The following NRF1 variants were observed in gnomAD, a reference collection of about 807,000 sequenced individuals.
The protein encoded by NRF1 is alpha palindromic-binding protein.
In NRF1, 5 loss-of-function variants were observed where a neutral mutation model predicts 58.5. The observed-to-expected ratio is 0.09, with a 90% CI of 0.04 to 0.18. The LOEUF (loss-of-function observed/expected upper bound fraction) is 0.18, where lower values mean the gene tolerates loss of function less well. Among genes scored for constraint, NRF1 ranks in the 10% least tolerant of loss-of-function variants. NRF1 has a pLI of 1.00. For missense variants in NRF1, 288 were observed against 657.7 expected (o/e 0.44, Z 6.15); for synonymous variants, 224 against 246.7 (o/e 0.91, Z 0.86).
intron 10 of NRF1, among the ~76,000 whole-genome samples, chr7:129,746,762 A>T (rs1803985955): frequency 6.6e-6 from 1 of 152,244 alleles, no homozygotes. Context: ...AAACTAAAGA[A>T]GGCATTACGT....
intron 3 of NRF1, among the ~76,000 whole-genome samples, chr7:129,676,550 T>C (rs1802183619): frequency 6.6e-6 from 1 of 152,216 alleles, no homozygotes; most frequent in Non-Finnish European, 1.5e-5. Flanking sequence ...ACACACAACA[T>C]TTATCAGTCA....
At chr7:129,699,760 A>G (rs572267293) in intron 5 of NRF1, among the ~76,000 whole-genome samples, 66 of 151,512 alleles carry the variant, frequency 4.4e-4, no homozygotes, top group Admixed American at 1.3e-3. Context: ...GAAAGAAAAT[A>G]TAAGTTACCA....
chr7:129,678,295 AC>A (rs1231894269), intron 4 of NRF1, among the ~76,000 whole-genome samples: 1 of 152,196 alleles, frequency 6.6e-6, no homozygotes, highest in Non-Finnish European at 1.5e-5. Flanking sequence ...GCCCCTGCAT[AC>A]TTATACAATA....
chr7:129,742,667 A>G (rs185744838), intron 10 of NRF1, among the ~76,000 whole-genome samples: 11 of 152,280 alleles, frequency 7.2e-5, no homozygotes, highest in Non-Finnish European at 1.3e-4. Flanking sequence ...AAAGCATCCA[A>G]TTTAGATTGA....
At chr7:129,661,666 A>G (rs1302668297) in intron 2 of NRF1, among the ~76,000 whole-genome samples, 1 of 150,920 alleles carries the variant, frequency 6.6e-6, no homozygotes, top group Non-Finnish European at 1.5e-5. Context: ...TTTATTGTCC[A>G]TATCACTATC....
At chr7:129,677,419 A>C (rs191733727) in intron 3 of NRF1, among the ~76,000 whole-genome samples, 3 of 152,292 alleles carry the variant, frequency 2.0e-5, no homozygotes, top group Admixed American at 2.0e-4. Context: ...CCCAAAGCAA[A>C]ACCTTCAGTT....
At chr7:129,670,450 G>A (rs1213434483) in intron 2 of NRF1, among the ~76,000 whole-genome samples, 13 of 152,136 alleles carry the variant, frequency 8.5e-5, no homozygotes, top group Non-Finnish European at 1.8e-4. Context: ...TTGCTTTGAG[G>A]TTCTTTAGAG....
At chr7:129,708,052 G>A (rs1178555528) in intron 5 of NRF1, among the ~76,000 whole-genome samples, 82 of 151,948 alleles carry the variant, frequency 5.4e-4, no homozygotes, top group South Asian at 4.2e-4. Flanking sequence ...CCACACCCCC[G>A]AGTCTGATTC....
intron 10 of NRF1, among the ~76,000 whole-genome samples, chr7:129,728,898 T>C (rs897385422): frequency 6.6e-6 from 1 of 152,204 alleles, no homozygotes; most frequent in African/African-American, 2.4e-5. Flanking sequence ...GGACATCTTA[T>C]AGCCACACAT....
At chr7:129,744,151 A>G in intron 10 of NRF1, 1 of 1,188,660 alleles carries the variant, frequency 8.4e-7, no homozygotes, top group Non-Finnish European at 1.1e-6. Flanking sequence ...TTTTTTTTTT[A>G]ACAGTTCTGT....
At chr7:129,647,073 T>C (rs1237003819) in intron 1 of NRF1, among the ~76,000 whole-genome samples, 1 of 152,210 alleles carries the variant, frequency 6.6e-6, no homozygotes, top group Non-Finnish European at 1.5e-5. Flanking sequence ...TCGCACCCTG[T>C]CGCCCAGGCT....
chr7:129,653,654 TC>T (rs1562960630), intron 1 of NRF1, among the ~76,000 whole-genome samples: 1 of 152,178 alleles, frequency 6.6e-6, no homozygotes, highest in East Asian at 1.9e-4. Context: ...CTTCCCCCAA[TC>T]CTTGGCAACC....
intron 10 of NRF1, among the ~76,000 whole-genome samples, chr7:129,754,620 T>TA (rs1406105600): frequency 1.3e-5 from 2 of 152,038 alleles, no homozygotes; most frequent in African/African-American, 4.8e-5. Flanking sequence ...GGTGTTCAGT[T>TA]ACACAGTAGG....
chr7:129,640,211 T>G (rs941675982), intron 1 of NRF1, among the ~76,000 whole-genome samples: 2 of 152,102 alleles, frequency 1.3e-5, no homozygotes, highest in Non-Finnish European at 2.9e-5. Flanking sequence ...TCAACACACA[T>G]ACCGTTTTAT....
At chr7:129,627,861 T>G (rs1369375684) in intron 1 of NRF1, among the ~76,000 whole-genome samples, 1 of 152,134 alleles carries the variant, frequency 6.6e-6, no homozygotes, top group East Asian at 1.9e-4. Flanking sequence ...CTCATTTTGA[T>G]TATATTGACA....
At position 129,755,211 on chromosome 7, in the gene NRF1, A is replaced by G; in HGVS notation, c.*30A>G. On this transcript the variant is annotated 3_prime_UTR_variant, in exon 11 of 11. Coordinates refer to ENST00000393232, the MANE Select transcript of NRF1 (RefSeq NM_005011.5). This position sits in a 1 kb window ranked among gnomAD's most constrained non-coding sequence, Gnocchi z 5.8. Reference sequence around the variant, plus strand: ...CAGCCATATTATGGCATCGTTTTCTAGTCTACTTCAAAATTTTTTACACGT... The same window carrying G: ...CAGCCATATTATGGCATCGTTTTCTGGTCTACTTCAAAATTTTTTACACGT... 6.6e-7 allele frequency: 1 copy of G among 1,523,586 alleles called. No homozygotes were observed. The highest frequency in any genetic ancestry group is 8.8e-7 in the Non-Finnish European group (1 of 1,132,882). The allele number at this position is 1,523,586 out of a possible 1,614,324, so 94.4% of individuals were successfully genotyped here.
chr7:129,653,508 C>T (rs1421490778), intron 1 of NRF1, among the ~76,000 whole-genome samples: 1 of 152,134 alleles, frequency 6.6e-6, no homozygotes, highest in African/African-American at 2.4e-5. Flanking sequence ...TTGTACATTA[C>T]ATAGTTTACA....
At chr7:129,650,164 TCTTTTTC>T (rs896704113) in intron 1 of NRF1, among the ~76,000 whole-genome samples, 1 of 151,526 alleles carries the variant, frequency 6.6e-6, no homozygotes, top group African/African-American at 2.4e-5. Flanking sequence ...GAATTTTTTT[TCTTTTTC>T]CTTTTTTTTT....
At chr7:129,615,358 G>T (rs1264755092) in intron 1 of NRF1, among the ~76,000 whole-genome samples, 1 of 152,164 alleles carries the variant, frequency 6.6e-6, no homozygotes, top group Non-Finnish European at 1.5e-5. Flanking sequence ...GAGTTTAGAT[G>T]CGCCCTTTCT....
Sources: allele counts gnomAD v4.1 joint callset (sites outside exome capture counted in the v4.1 genomes callset), GRCh38; gene constraint gnomAD v4.1.1; non-coding constraint Gnocchi (gnomAD v3.1); transcripts MANE v1.5; gene names NCBI Gene and HGNC (gene_info 2026-07-23, HGNC 2026-07-21).